Variants in MBP observed in about 807,000 individuals in gnomAD.
MBP encodes myelin basic protein.
MBP carries 16 observed loss-of-function variants against 35.8 expected under a neutral mutation model. That is an observed-to-expected ratio of 0.45 (90% confidence interval 0.30 to 0.68). MBP has a LOEUF of 0.68. Among genes scored for constraint, MBP ranks in the 30% least tolerant of loss-of-function variants. The pLI, the probability that MBP is intolerant of heterozygous loss-of-function variation, is 0.08. For synonymous variants in MBP, 143 were observed against 159.6 expected (o/e 0.90, Z 0.78); for missense variants, 380 against 404.7 (o/e 0.94, Z 0.52).
chr18:77,077,132 G>A (rs1051789740), intron 2 of MBP, among the ~76,000 whole-genome samples: 7 of 151,972 alleles, frequency 4.6e-5, no homozygotes, highest in Non-Finnish European at 7.4e-5. Flanking sequence ...AGGTTGAGGC[G>A]GGAGGATCAC....
chr18:76,988,057 G>A lies in MBP; in HGVS notation c.750+438C>T. ...ATTTAGCCTCTTTTTCTGTTCATCA[G>A]CAGAATCATTTTCCCAGTGTCAGCA... is the stretch of plus-strand genomic sequence containing the variant. On this transcript the variant is annotated intron_variant, in intron 7 of 8. Transcript: ENST00000355994. This position sits in a 1 kb window ranked among gnomAD's most constrained non-coding sequence, Gnocchi z 5.2. 3 of 1,433,182 alleles carry A rather than the reference G, an allele frequency of 2.1e-6. No homozygotes were observed. Among genetic ancestry groups the A allele is most frequent in the Non-Finnish European group, 2.7e-6 (3 of 1,095,156 alleles). 88.8% of individuals were successfully genotyped at this position (1,433,182 alleles called of 1,614,324 possible).
At position 76,988,356 on chromosome 18, in the gene MBP, C is replaced by G; in HGVS notation, c.750+139G>C. ...CCAGTGGAAGACAAGGCGGCCCGAT[C>G]CCAGCTGTGGGCAGAGAGGTCTCGA... On this transcript the variant is annotated intron_variant, in intron 7 of 8. Coordinates refer to ENST00000355994, the MANE Select transcript of MBP (RefSeq NM_001025101.2). This position sits in a 1 kb window ranked among gnomAD's most constrained non-coding sequence, Gnocchi z 5.2. 1 of 1,610,290 alleles carries G rather than the reference C, an allele frequency of 6.2e-7. No individual in the cohort carries two copies. The highest frequency in any genetic ancestry group is 1.1e-5 in the South Asian group (1 of 90,568).
At chr18:77,056,041 C>T (rs1044584606) in intron 3 of MBP, among the ~76,000 whole-genome samples, 3 of 152,266 alleles carry the variant, frequency 2.0e-5, no homozygotes, top group Non-Finnish European at 2.9e-5. Flanking sequence ...CTCCACTGAC[C>T]GTGTGGATGA....
At chr18:77,096,956 A>C (rs1376552390) in intron 2 of MBP, among the ~76,000 whole-genome samples, 3 of 152,230 alleles carry the variant, frequency 2.0e-5, no homozygotes, top group Admixed American at 2.0e-4. Context: ...ACAGTGTTCA[A>C]AACACCAAAG....
chr18:77,063,073 G>A (rs1437666511), intron 3 of MBP, among the ~76,000 whole-genome samples: 1 of 152,158 alleles, frequency 6.6e-6, no homozygotes, highest in African/African-American at 2.4e-5. Context: ...ATCATGTCAA[G>A]GAAAGACCTT....
At chr18:77,067,429 C>T (rs1974244043) in intron 2 of MBP, among the ~76,000 whole-genome samples, 1 of 152,240 alleles carries the variant, frequency 6.6e-6, no homozygotes, top group African/African-American at 2.4e-5. Context: ...AGACTGCTTG[C>T]ACAGCCCGCT....
intron 2 of MBP, among the ~76,000 whole-genome samples, 159 bp downstream of exon 2, chr18:77,105,048 ATAAT>A (rs1000279395): frequency 2.1e-4 from 3 of 14,002 alleles, no homozygotes; most frequent in African/African-American, 2.5e-4. Context: ...GTAATAAATC[ATAAT>A]TAATTATTAA....
At chr18:76,985,216 G>T in intron 7 of MBP, 1 of 1,405,020 alleles carries the variant, frequency 7.1e-7, no homozygotes, top group Non-Finnish European at 9.4e-7. Context: ...TCACGCTGTG[G>T]GGTGTTCAAG....
chr18:77,032,100 G>A (rs1015409889), intron 3 of MBP, among the ~76,000 whole-genome samples: 2 of 152,212 alleles, frequency 1.3e-5, no homozygotes, highest in African/African-American at 2.4e-5. Context: ...CCGGGGGCAC[G>A]CAGGGCCTCC....
chr18:77,107,593 C>T (rs904665820), intron 1 of MBP, among the ~76,000 whole-genome samples: 3 of 152,166 alleles, frequency 2.0e-5, no homozygotes, highest in African/African-American at 4.8e-5. Context: ...GGCTCTTGAA[C>T]GCAGCTGAAA....
chr18:77,028,617 G>T (rs1449865550), intron 3 of MBP, among the ~76,000 whole-genome samples: 3 of 80,252 alleles, frequency 3.7e-5, no homozygotes, highest in Non-Finnish European at 9.6e-5. Flanking sequence ...GCCGGGCGGG[G>T]GGCTGACCCC....
chr18:77,121,926 CA>C (rs1976895173), intron 1 of MBP, among the ~76,000 whole-genome samples: 1 of 152,178 alleles, frequency 6.6e-6, no homozygotes, highest in Non-Finnish European at 1.5e-5. Context: ...ACCAGCTCCT[CA>C]AATATGTGAG....
intron 3 of MBP, among the ~76,000 whole-genome samples, chr18:77,045,063 T>C (rs1973180728): frequency 6.6e-6 from 1 of 152,074 alleles, no homozygotes; most frequent in African/African-American, 2.4e-5. Flanking sequence ...TGTATGATGA[T>C]GGAGGCTGGT....
At chr18:77,076,546 G>C (rs1974659601) in intron 2 of MBP, among the ~76,000 whole-genome samples, 1 of 152,186 alleles carries the variant, frequency 6.6e-6, no homozygotes, top group African/African-American at 2.4e-5. Flanking sequence ...AAAATCCTGA[G>C]ACCTAATGAA....
chr18:77,018,551 A>G (rs1275483093), intron 3 of MBP, among the ~76,000 whole-genome samples: 2 of 144,356 alleles, frequency 1.4e-5, no homozygotes, highest in Non-Finnish European at 1.5e-5. Context: ...CCATCCATCT[A>G]TCCATCCCCC....
chr18:77,007,668 C>T lies in MBP; in HGVS notation c.576+9164G>A, dbSNP rs887211314. On this transcript the variant is annotated intron_variant, in intron 4 of 8. Coordinates refer to ENST00000355994, the MANE Select transcript of MBP (RefSeq NM_001025101.2). ...CACAAACACACACGCACACACACCCCTACTGCTTTTCCTATCTGGACCAGA... is the reference window on the plus strand; with the variant it reads ...CACAAACACACACGCACACACACCCTTACTGCTTTTCCTATCTGGACCAGA... Among the ~76,000 whole-genome samples, 4 of 152,168 alleles carry T rather than the reference C, an allele frequency of 2.6e-5. No homozygotes were observed. The South Asian group carries it at 8.3e-4, about 31-fold the overall frequency.
chr18:77,079,847 T>C (rs1277117493), intron 2 of MBP, among the ~76,000 whole-genome samples: 1 of 152,222 alleles, frequency 6.6e-6, no homozygotes, highest in Admixed American at 6.5e-5. Context: ...TAAATTCATA[T>C]GTCACTGTTC....
At chr18:77,112,712 C>G (rs1485062101) in intron 1 of MBP, 1 of 152,474 alleles carries the variant, frequency 6.6e-6, no homozygotes, top group Non-Finnish European at 1.5e-5. Flanking sequence ...CGCCTAGGAG[C>G]ACGTGGGTGG....
Position 76,985,313 on chromosome 18 carries a change from G to C in MBP, c.751-419C>G, listed in dbSNP as rs1969482949. ...GGACTCGGACCCTGGGGGGCTGTGC[G>C]CTGTGTAGGTGCCGGTCCCCGGAGG... On this transcript the variant is annotated intron_variant, in intron 7 of 8. Transcript: ENST00000355994. 3.1e-6 allele frequency: 4 copies of C among 1,297,854 alleles called. No individual in the cohort carries two copies. In the Admixed American group the frequency reaches 9.1e-5, roughly 29 times the overall value. The allele number at this position is 1,297,854 out of a possible 1,614,324, so 80.4% of individuals were successfully genotyped here.
Sources: gnomAD v4.1 joint callset for allele counts (sites outside exome capture counted in the v4.1 genomes callset) on GRCh38, gnomAD v4.1.1 for gene constraint, Gnocchi (gnomAD v3.1) non-coding constraint, MANE v1.5 for transcripts, NCBI Gene and HGNC (gene_info 2026-07-23, HGNC 2026-07-21) for gene names.